PMEPA1: variants seen among roughly 807,000 people sequenced by gnomAD.
PMEPA1 encodes the protein protein TMEPAI.
A neutral mutation model predicts 23.0 loss-of-function variants in PMEPA1; 11 were observed. The ratio of observed to expected loss-of-function variants is 0.48; its 90% CI spans 0.30 to 0.79. The LOEUF is 0.79. PMEPA1 is among the 30% of genes least tolerant of loss of function. The probability of loss-of-function intolerance (pLI) is 0.06; values close to 1 mark genes in which losing one functional copy is unlikely to be tolerated. For missense variants in PMEPA1, 377 were observed against 390.9 expected, an observed-to-expected ratio of 0.96 and a Z score of 0.30; for synonymous variants, 204 against 166.4, an observed-to-expected ratio of 1.23 and a Z score of -1.74.
Position 57,709,461 on chromosome 20 carries a change from TG to T in PMEPA1, c.109+12del. ...GATGGAGTCTCCGGGGAGGGGGGCG[TG>T]GGGTCACTCACTGATCTCCATGCTC... On this transcript the variant is annotated intron_variant, in intron 1 of 3. Transcript: ENST00000341744. 2.7e-6 allele frequency: 3 copies of T among 1,106,504 alleles called. No homozygotes were observed. Among genetic ancestry groups the T allele is most frequent in the Admixed American group, 3.9e-5 (1 of 25,548 alleles). The allele number at this position is 1,106,504 out of a possible 1,614,324, so 68.5% of individuals were successfully genotyped here.
intron 1 of PMEPA1, among the ~76,000 whole-genome samples, chr20:57,680,850 C>T (rs1240007493): frequency 6.6e-6 from 1 of 152,230 alleles, no homozygotes; most frequent in Non-Finnish European, 1.5e-5. Flanking sequence ...GCCAGACACA[C>T]AGGAGGCACT....
At chr20:57,689,249 C>T (rs978890929) in intron 1 of PMEPA1, among the ~76,000 whole-genome samples, 2 of 152,212 alleles carry the variant, frequency 1.3e-5, no homozygotes, top group Non-Finnish European at 2.9e-5. Flanking sequence ...CTACCCACCC[C>T]CTCTCTTCTA....
chr20:57,670,367 T>G (rs941291652), intron 1 of PMEPA1, among the ~76,000 whole-genome samples: 3 of 152,140 alleles, frequency 2.0e-5, no homozygotes, highest in Non-Finnish European at 4.4e-5. Flanking sequence ...CTGAGTGTGC[T>G]GTCTCACCAC....
intron 1 of PMEPA1, among the ~76,000 whole-genome samples, chr20:57,708,661 G>C (rs1412293679): frequency 2.0e-5 from 3 of 152,098 alleles, no homozygotes; most frequent in Non-Finnish European, 2.9e-5. Context: ...GCTATTTATA[G>C]GTGCGTCGGG....
intron 1 of PMEPA1, among the ~76,000 whole-genome samples, chr20:57,693,273 G>A: frequency 6.6e-6 from 1 of 152,236 alleles, no homozygotes; most frequent in Non-Finnish European, 1.5e-5. Context: ...AGAGAGACCA[G>A]GCCCAGAGTG....
chr20:57,708,629 G>A (rs954233980), intron 1 of PMEPA1, among the ~76,000 whole-genome samples: 6 of 152,154 alleles, frequency 3.9e-5, no homozygotes, highest in African/African-American at 1.4e-4. Flanking sequence ...CAGCCAGACT[G>A]AACCAAGCTG....
At position 57,683,572 on chromosome 20, in the gene PMEPA1, T is replaced by C. The variant is rs12625024; in HGVS notation, c.110-23875A>G. On this transcript the variant is annotated intron_variant, in intron 1 of 3. Transcript: ENST00000341744. This position sits in a 1 kb window ranked among gnomAD's most constrained non-coding sequence, Gnocchi z 4.3. ...CTGTGTGCGTGTGTGTGTGTGTGTG[T>C]GTGTGTGTGTGTTTCTTTTAAAAGT... Among the ~76,000 whole-genome samples the C allele has an allele frequency of 2.4e-3, 368 of 151,030 alleles. 10 individuals are homozygous for C. The East Asian group carries it at 0.06, about 25-fold the overall frequency.
At chr20:57,686,051 T>A (rs983624524) in intron 1 of PMEPA1, among the ~76,000 whole-genome samples, 2 of 152,022 alleles carry the variant, frequency 1.3e-5, no homozygotes, top group African/African-American at 4.8e-5. Flanking sequence ...CCAAACACCC[T>A]CTAAACTGGG....
At chr20:57,698,523 G>A (rs889704267) in intron 1 of PMEPA1, among the ~76,000 whole-genome samples, 9 of 152,328 alleles carry the variant, frequency 5.9e-5, no homozygotes, top group Admixed American at 5.9e-4. Context: ...CAATTACAAA[G>A]TAGAAAGAAA....
At chr20:57,675,608 G>A (rs992191505) in intron 1 of PMEPA1, among the ~76,000 whole-genome samples, 3 of 152,146 alleles carry the variant, frequency 2.0e-5, no homozygotes, top group African/African-American at 7.2e-5. Flanking sequence ...AGGAAATGCT[G>A]CTGGCCACAC....
rs940710993 is a variant in PMEPA1 at position 57,650,478 on chromosome 20, C to T, written c.*1575G>A. Reference sequence around the variant, plus strand: ...TCTATTTACGCTCACATGCCCCTTCCTGTCCTTCACCTGCACGTCACCAGC... The same window carrying T: ...TCTATTTACGCTCACATGCCCCTTCTTGTCCTTCACCTGCACGTCACCAGC... On this transcript the variant is annotated 3_prime_UTR_variant, in exon 4 of 4. Coordinates refer to ENST00000341744, the MANE Select transcript of PMEPA1 (RefSeq NM_020182.5). 4 of 152,380 alleles carry T rather than the reference C, an allele frequency of 2.6e-5. No individual in the cohort carries two copies. The highest frequency in any genetic ancestry group is 9.6e-5 in the African/African-American group (4 of 41,474). The allele number at this position is 152,380 out of a possible 1,614,324, so 9.4% of individuals were successfully genotyped here. A position where few individuals can be genotyped will look rare whatever the true frequency, so the allele number is the denominator to read the frequency against.
At chr20:57,706,871 A>C (rs2072097636) in intron 1 of PMEPA1, among the ~76,000 whole-genome samples, 1 of 152,076 alleles carries the variant, frequency 6.6e-6, no homozygotes, top group Admixed American at 6.6e-5. Context: ...GTAGCTGAAG[A>C]CCACACAGGG....
intron 1 of PMEPA1, among the ~76,000 whole-genome samples, chr20:57,700,477 G>T (rs2071996847): frequency 1.3e-5 from 2 of 152,198 alleles, no homozygotes; most frequent in Admixed American, 1.3e-4. Context: ...TCTCGAACCT[G>T]CATGGCTGTT....
chr20:57,691,170 T>C (rs1326689461), intron 1 of PMEPA1, among the ~76,000 whole-genome samples: 1 of 152,150 alleles, frequency 6.6e-6, no homozygotes, highest in East Asian at 1.9e-4. Context: ...CACCACACAG[T>C]AGGTGCTCAA....
chr20:57,680,974 C>A (rs543587832), intron 1 of PMEPA1, among the ~76,000 whole-genome samples: 1 of 151,012 alleles, frequency 6.6e-6, no homozygotes, highest in Non-Finnish European at 1.5e-5. Flanking sequence ...AATCATCCCA[C>A]GGGTCGGGGC....
chr20:57,706,955 C>A (rs1383110680), intron 1 of PMEPA1, among the ~76,000 whole-genome samples: 1 of 152,190 alleles, frequency 6.6e-6, no homozygotes, highest in African/African-American at 2.4e-5. Flanking sequence ...GAGGCCCTAT[C>A]TTGAAAGACT....
Position 57,652,371 on chromosome 20 carries a change from C to G in PMEPA1, c.546G>C (p.Ser182=), listed in dbSNP as rs150647220. ...PEQQLELNRE[S]VRAPPNRTIF... ...TGGTTCTGTTTGGGGGTGCGCGCAC[C>G]GACTCCCGGTTCAGTTCCAGCTGCT... Residue 182 remains serine, a synonymous_variant, in exon 4 of 4, where the codon TCG becomes TCC. Transcript: ENST00000341744. The surrounding 1 kb of genome is among the most constrained non-coding windows in gnomAD (Gnocchi z 6.1). 6.7e-5 allele frequency: 108 copies of G among 1,613,546 alleles called. No homozygotes were observed. In the African/African-American group the frequency reaches 1.3e-3, roughly 20 times the overall value.
chr20:57,676,286 T>G (rs2071635060), intron 1 of PMEPA1, among the ~76,000 whole-genome samples: 1 of 152,192 alleles, frequency 6.6e-6, no homozygotes, highest in Non-Finnish European at 1.5e-5. Flanking sequence ...CAACAGTACC[T>G]GCCTCACAGG....
In PMEPA1 at chr20:57,683,547, C is replaced by CG. The variant is rs2071749851; in HGVS notation, c.110-23851_110-23850insC. On this transcript the variant is annotated intron_variant, in intron 1 of 3. Coordinates refer to ENST00000341744, the MANE Select transcript of PMEPA1 (RefSeq NM_020182.5). The surrounding 1 kb of genome is among the most constrained non-coding windows in gnomAD (Gnocchi z 4.3). ...ACTAACTCGGTGGTGGTGTTCTGGC[C>CG]TGTGTGCGTGTGTGTGTGTGTGTGT... Among the ~76,000 whole-genome samples, 1 of 139,880 alleles carries CG rather than the reference C, an allele frequency of 7.1e-6. No homozygotes were observed. Among genetic ancestry groups the CG allele is most frequent in the African/African-American group, 3.0e-5 (1 of 33,738 alleles). 91.8% of individuals were successfully genotyped at this position (139,880 alleles called of 152,430 possible).
Sources: gnomAD v4.1 joint callset for allele counts (sites outside exome capture counted in the v4.1 genomes callset) on GRCh38, gnomAD v4.1.1 for gene constraint, Gnocchi (gnomAD v3.1) non-coding constraint, MANE v1.5 for transcripts, NCBI Gene and HGNC (gene_info 2026-07-23, HGNC 2026-07-21) for gene names.